Variants in NPAS3 observed in about 807,000 individuals in gnomAD.
NPAS3 encodes neuronal PAS domain-containing protein 3.
In NPAS3, 14 loss-of-function variants were observed where a neutral mutation model predicts 73.1. The observed-to-expected ratio is 0.19, with a 90% CI of 0.13 to 0.30. The LOEUF (loss-of-function observed/expected upper bound fraction) is 0.30, where lower values mean the gene tolerates loss of function less well. Among genes scored for constraint, NPAS3 ranks in the 10% least tolerant of loss-of-function variants. The pLI is 1.00. For missense variants in NPAS3, 1,096 were observed against 1,250.0 expected, an observed-to-expected ratio of 0.88 and a Z score of 1.86; for synonymous variants, 620 against 541.5, an observed-to-expected ratio of 1.14 and a Z score of -2.01.
At chr14:33,547,126 T>C (rs2054883202) in intron 4 of NPAS3, among the ~76,000 whole-genome samples, 1 of 152,212 alleles carries the variant, frequency 6.6e-6, no homozygotes, top group South Asian at 2.1e-4. Context: ...AATATATTTT[T>C]ATTTGCTTTG....
chr14:33,637,729 C>T (rs2058563383), intron 5 of NPAS3, among the ~76,000 whole-genome samples: 2 of 151,734 alleles, frequency 1.3e-5, no homozygotes, highest in African/African-American at 4.9e-5. Context: ...TGAACAGCTA[C>T]AGTTTTTATC....
intron 1 of NPAS3, among the ~76,000 whole-genome samples, chr14:32,958,542 C>T (rs2139200034): frequency 6.6e-6 from 1 of 152,318 alleles, no homozygotes; most frequent in East Asian, 1.9e-4. Flanking sequence ...TCGTCTCATT[C>T]TGCACTCCCT....
intron 3 of NPAS3, among the ~76,000 whole-genome samples, chr14:33,318,289 T>A (rs1381752809): frequency 2.0e-5 from 3 of 151,764 alleles, no homozygotes; most frequent in Non-Finnish European, 4.4e-5. Context: ...GGACTTAGAG[T>A]AGTCAGATTT....
chr14:33,285,854 G>A (rs1412065232), intron 3 of NPAS3, among the ~76,000 whole-genome samples: 1 of 152,134 alleles, frequency 6.6e-6, no homozygotes, highest in Non-Finnish European at 1.5e-5. Context: ...AAAGCTTTAT[G>A]TATGCCACTC....
chr14:33,031,627 G>A (rs1408868550), intron 1 of NPAS3, among the ~76,000 whole-genome samples: 1 of 152,136 alleles, frequency 6.6e-6, no homozygotes, highest in Non-Finnish European at 1.5e-5. Context: ...TGAATAGCTG[G>A]GACCACACGT....
At chr14:33,735,824 A>G (rs2061510616) in intron 7 of NPAS3, among the ~76,000 whole-genome samples, 1 of 152,110 alleles carries the variant, frequency 6.6e-6, no homozygotes, top group South Asian at 2.1e-4. Flanking sequence ...GAATTTCAAA[A>G]CTGTATTTAT....
chr14:33,205,734 T>A (rs1404380965), intron 2 of NPAS3, among the ~76,000 whole-genome samples: 2 of 152,208 alleles, frequency 1.3e-5, no homozygotes, highest in African/African-American at 4.8e-5. Flanking sequence ...AAGCATGTGC[T>A]ATGTTTGCTA....
At chr14:33,757,784 C>T (rs2062161303) in intron 7 of NPAS3, among the ~76,000 whole-genome samples, 1 of 152,190 alleles carries the variant, frequency 6.6e-6, no homozygotes, top group Non-Finnish European at 1.5e-5. Context: ...GAAGCATTCG[C>T]AGAAATAAAG....
chr14:33,165,323 C>T (rs1014458613), intron 2 of NPAS3, among the ~76,000 whole-genome samples: 1 of 151,278 alleles, frequency 6.6e-6, no homozygotes, highest in African/African-American at 2.4e-5. Flanking sequence ...TGTTTCATTG[C>T]ATAATCTAGT....
intron 2 of NPAS3, among the ~76,000 whole-genome samples, chr14:33,128,234 C>CAG (rs1382947520): frequency 6.6e-6 from 1 of 152,078 alleles, no homozygotes; most frequent in South Asian, 2.1e-4. Context: ...AAAGACAAAA[C>CAG]AGATAATAAG....
chr14:33,265,403 A>T (rs1004972809), intron 3 of NPAS3, among the ~76,000 whole-genome samples: 33 of 152,178 alleles, frequency 2.2e-4, no homozygotes, highest in African/African-American at 7.7e-4. Context: ...ATCTTTTACA[A>T]TATATTTTTT....
At position 33,577,731 on chromosome 14, in the gene NPAS3, A is replaced by G. The variant is rs144615807; in HGVS notation, c.558+17521A>G. On this transcript the variant is annotated intron_variant, in intron 5 of 11. Transcript: ENST00000356141. ...TATTCTGTCTTCTCTAAAATATCCC[A>G]GTAAATAGTGCCTTTCAACCGACAA... Among the ~76,000 whole-genome samples the G allele has an allele frequency of 3.3e-5, 5 of 152,356 alleles. No individual in the cohort carries two copies. The East Asian group carries it at 9.7e-4, about 29-fold the overall frequency.
At chr14:33,045,009 G>A (rs1254367859) in intron 1 of NPAS3, among the ~76,000 whole-genome samples, 1 of 152,090 alleles carries the variant, frequency 6.6e-6, no homozygotes, top group Non-Finnish European at 1.5e-5. Context: ...CATGGAGAAA[G>A]CTGAACCATA....
Position 33,500,654 on chromosome 14 carries a change from G to A in NPAS3, c.469-59467G>A, listed in dbSNP as rs534127370. Among the ~76,000 whole-genome samples the A allele has an allele frequency of 1.4e-3, 219 of 151,972 alleles. 1 individual carries two copies. Among genetic ancestry groups the A allele is most frequent in the African/African-American group, 5.0e-3 (208 of 41,492 alleles). The stretch of plus-strand genomic sequence containing the variant: ...TTAGATATGATTCTTGTCTGGCTTG[G>A]ATGTTTGTTACATCAGCTTTAAAAA... On this transcript the variant is annotated intron_variant, in intron 4 of 11. Coordinates refer to ENST00000356141, the Ensembl canonical transcript of NPAS3.
chr14:33,722,583 A>C (rs1397307018), intron 6 of NPAS3, among the ~76,000 whole-genome samples: 2 of 152,190 alleles, frequency 1.3e-5, no homozygotes, highest in Non-Finnish European at 2.9e-5. Flanking sequence ...TACTTCTTGC[A>C]AAAGATTAGA....
At chr14:33,238,352 T>C (rs1020055238) in intron 3 of NPAS3, among the ~76,000 whole-genome samples, 8 of 152,190 alleles carry the variant, frequency 5.3e-5, no homozygotes, top group African/African-American at 1.7e-4. Flanking sequence ...ATTGAAAGCA[T>C]ATCCTTGTTC....
intron 4 of NPAS3, among the ~76,000 whole-genome samples, chr14:33,479,532 T>A (rs1288589461): frequency 6.6e-6 from 1 of 152,196 alleles, no homozygotes; most frequent in Non-Finnish European, 1.5e-5. Context: ...CCCAAAGGAA[T>A]TTCTGTTTGT....
At chr14:33,113,421 T>C (rs2042961226) in intron 2 of NPAS3, among the ~76,000 whole-genome samples, 1 of 152,182 alleles carries the variant, frequency 6.6e-6, no homozygotes. Context: ...TTTTATTCTC[T>C]TTGAAGCAAT....
intron 1 of NPAS3, among the ~76,000 whole-genome samples, chr14:33,027,556 C>T (rs372111299): frequency 4.1e-4 from 63 of 152,184 alleles, no homozygotes; most frequent in African/African-American, 1.4e-3. Context: ...TTCTTGTAGC[C>T]CAGCTTCCAC....
Sources: gnomAD v4.1 joint callset for allele counts (sites outside exome capture counted in the v4.1 genomes callset) on GRCh38, gnomAD v4.1.1 for gene constraint, MANE v1.5 for transcripts, NCBI Gene and HGNC (gene_info 2026-07-23, HGNC 2026-07-21) for gene names.